Variants in ADGRL2 observed in about 807,000 individuals in gnomAD.
ADGRL2 encodes calcium-independent alpha-latrotoxin receptor 2.
Under a neutral mutation model 157.4 loss-of-function variants are expected in ADGRL2, and 44 were observed. That is an observed-to-expected ratio of 0.28 (90% CI 0.22 to 0.36). The LOEUF (loss-of-function observed/expected upper bound fraction) is 0.36. Among genes scored for constraint, ADGRL2 ranks in the 10% least tolerant of loss-of-function variants. ADGRL2 has a pLI of 1.00. For missense variants in ADGRL2, 1,510 were observed against 1,768.9 expected (o/e 0.85, Z 2.63); for synonymous variants, 585 against 624.7 (o/e 0.94, Z 0.95).
intron 11 of ADGRL2, among the ~76,000 whole-genome samples, chr1:81,957,199 A>T (rs950903539): frequency 6.8e-6 from 1 of 147,598 alleles, no homozygotes; most frequent in Non-Finnish European, 1.5e-5. Flanking sequence ...AAAAAAAACC[A>T]CTAAAATTCC....
At chr1:81,840,740 T>A (rs553957615) in intron 2 of ADGRL2, among the ~76,000 whole-genome samples, 1 of 152,268 alleles carries the variant, frequency 6.6e-6, no homozygotes, top group South Asian at 2.1e-4. Flanking sequence ...TACAACGTAT[T>A]TTGGGGAAAA....
intron 3 of ADGRL2, among the ~76,000 whole-genome samples, chr1:81,911,046 C>T (rs559909787): frequency 6.6e-6 from 1 of 151,898 alleles, no homozygotes; most frequent in African/African-American, 2.4e-5. Flanking sequence ...CATGTTATCT[C>T]TTCAGCAGTT....
chr1:81,557,132 A>G, intron 2 of ADGRL2: 1 of 174,402 alleles, frequency 5.7e-6, no homozygotes. Context: ...TTGGCTTCAG[A>G]GGTGCAGGGA....
chr1:81,551,122 T>A (rs1283558483), intron 2 of ADGRL2, among the ~76,000 whole-genome samples: 1 of 152,156 alleles, frequency 6.6e-6, no homozygotes, highest in African/African-American at 2.4e-5. Context: ...GGATCAGAAA[T>A]AATACATGTA....
chr1:81,900,630 A>G (rs561940678), intron 2 of ADGRL2, among the ~76,000 whole-genome samples: 25 of 152,352 alleles, frequency 1.6e-4, no homozygotes, highest in Non-Finnish European at 3.4e-4. Flanking sequence ...TAACAGGGAA[A>G]TCTTGGAAAT....
At chr1:81,634,074 T>C (rs767289818) in intron 3 of ADGRL2, among the ~76,000 whole-genome samples, 1 of 152,088 alleles carries the variant, frequency 6.6e-6, no homozygotes, top group Non-Finnish European at 1.5e-5. Context: ...AAGAAGACTG[T>C]GTAAGAGTCC....
chr1:81,945,772 G>T (rs1649621333), intron 6 of ADGRL2, among the ~76,000 whole-genome samples: 1 of 151,932 alleles, frequency 6.6e-6, no homozygotes, highest in Non-Finnish European at 1.5e-5. Flanking sequence ...AATAGTCCCA[G>T]AACATGAAAA....
intron 2 of ADGRL2, among the ~76,000 whole-genome samples, chr1:81,488,714 A>T (rs1444601297): frequency 6.6e-6 from 1 of 151,992 alleles, no homozygotes; most frequent in African/African-American, 2.4e-5. Context: ...CTCAAAAAGG[A>T]GGAAAGTAAG....
chr1:81,610,229 G>GGTTT (rs1557503906), intron 3 of ADGRL2, among the ~76,000 whole-genome samples: 4 of 127,392 alleles, frequency 3.1e-5, no homozygotes, highest in Admixed American at 8.5e-5. Flanking sequence ...TGGCTTGGAG[G>GGTTT]TTTTTTTTTT....
intron 1 of ADGRL2, among the ~76,000 whole-genome samples, chr1:81,758,058 T>G (rs2085749542): frequency 6.6e-6 from 1 of 152,360 alleles, no homozygotes; most frequent in African/African-American, 2.4e-5. Context: ...TTACTTTATA[T>G]TTATAACCTT....
At chr1:81,508,930 C>T (rs58555629) in intron 2 of ADGRL2, among the ~76,000 whole-genome samples, 1,964 of 152,244 alleles carry the variant, frequency 0.013, 37 homozygotes, top group African/African-American at 0.045. Flanking sequence ...CCCATGTGAC[C>T]TTCTTTTCTA....
chr1:81,839,790 TATATATATATATTTTCCATC>T (rs2092463766), intron 2 of ADGRL2, among the ~76,000 whole-genome samples: 2 of 145,036 alleles, frequency 1.4e-5, no homozygotes, highest in Admixed American at 7.0e-5. Flanking sequence ...TTTTCCATCA[TATATATATATATTTTCCATC>T]ATATATATAT....
chr1:81,540,786 A>G lies in ADGRL2; in HGVS notation c.-247-40090A>G, dbSNP rs1421116223. On this transcript the variant is annotated intron_variant, in intron 2 of 24. Coordinates refer to the ADGRL2 transcript ENST00000370721. ...AGGCAATGAAGGGTTTCAAAAAGGT[A>G]ATTATGTGAATTAGCTCTCAGTCTA... Among the ~76,000 whole-genome samples, 3 of 152,330 alleles carry G rather than the reference A, an allele frequency of 2.0e-5. No homozygotes were observed. In the East Asian group the frequency reaches 5.8e-4, roughly 29 times the overall value.
intron 11 of ADGRL2, among the ~76,000 whole-genome samples, chr1:81,956,827 C>T (rs920703083): frequency 1.3e-5 from 2 of 152,268 alleles, no homozygotes; most frequent in African/African-American, 4.8e-5. Context: ...ACTACTCTTC[C>T]ACCAGAAGCA....
chr1:81,799,187 G>A (rs1240899948), upstream of ADGRL2, among the ~76,000 whole-genome samples: 1 of 152,106 alleles, frequency 6.6e-6, no homozygotes, highest in Non-Finnish European at 1.5e-5. Context: ...AAAAACTTAG[G>A]TACGTTATAA....
intron 1 of ADGRL2, among the ~76,000 whole-genome samples, chr1:81,751,278 C>A (rs1419427949): frequency 6.6e-6 from 1 of 152,034 alleles, no homozygotes; most frequent in Admixed American, 6.6e-5. Context: ...TACTTCCCTG[C>A]AATATACTTA....
At chr1:81,987,152 A>G (rs1362789317) in intron 22 of ADGRL2, 123 bp downstream of exon 22, 2 of 1,326,420 alleles carry the variant, frequency 1.5e-6, no homozygotes, top group Non-Finnish European at 1.0e-6. Flanking sequence ...TTTCTCAGTT[A>G]AAAAAAATTA....
chr1:81,556,627 A>AAT (rs1557457550), intron 2 of ADGRL2, among the ~76,000 whole-genome samples: 1 of 151,402 alleles, frequency 6.6e-6, no homozygotes, highest in African/African-American at 2.4e-5. Context: ...AAAAAAAAAA[A>AAT]TTTTTTTTTA....
intron 2 of ADGRL2, among the ~76,000 whole-genome samples, chr1:81,537,985 C>T (rs961607829): frequency 6.6e-6 from 1 of 152,152 alleles, no homozygotes. Context: ...CAGGTATGAG[C>T]CACCATGCCC....
Sources: gnomAD v4.1 joint callset for allele counts (sites outside exome capture counted in the v4.1 genomes callset) on GRCh38, gnomAD v4.1.1 for gene constraint, MANE v1.5 for transcripts, NCBI Gene and HGNC (gene_info 2026-07-23, HGNC 2026-07-21) for gene names.